Variants in PRAG1 observed in about 807,000 individuals in gnomAD.
The protein encoded by PRAG1 is PEAK1 related, kinase-activating pseudokinase 1.
PRAG1 carries 110 observed loss-of-function variants against 95.6 expected under a neutral mutation model. That is an observed-to-expected ratio of 1.15 (90% CI 0.99 to 1.35). The LOEUF is 1.35. Among genes scored for constraint, PRAG1 ranks in the 40% most tolerant of loss-of-function variants. The pLI is 0.00. For missense variants in PRAG1, 2,554 were observed against 1,864.7 expected (o/e 1.37, Z -6.81); for synonymous variants, 1,052 against 819.4 (o/e 1.28, Z -4.85).
intron 3 of PRAG1, among the ~76,000 whole-genome samples, chr8:8,375,240 G>T (rs1800346840): frequency 7.0e-6 from 1 of 142,974 alleles, no homozygotes; most frequent in African/African-American, 2.7e-5. Flanking sequence ...GTCTCACTCT[G>T]TCGCCCAGGC....
rs765679055 is a variant in PRAG1 at position 8,376,704 on chromosome 8, G to T, written c.1705C>A (p.Pro569Thr). ...SPSAGGPPVSPLADLSDGSSG... is the reference protein window; with the variant it reads ...SPSAGGPPVSTLADLSDGSSG... ...CTCCCATCACTAAGGTCAGCCAGCG[G>T]TGACACTGGGGGCCCTCCAGCAGAC... is the stretch of plus-strand genomic sequence containing the variant. Residue 569 changes from proline to threonine, a missense_variant, in exon 3 of 6, where the codon CCG becomes ACG. By Grantham distance (38) the Pro-to-Thr change is conservative (BLOSUM62 -1). Transcript: ENST00000615670. 1 of 1,610,966 alleles carries T rather than the reference G, an allele frequency of 6.2e-7. No individual in the cohort carries two copies. Among genetic ancestry groups the T allele is most frequent in the Admixed American group, 1.7e-5 (1 of 60,014 alleles).
At chr8:8,338,397 G>A (rs1362088311) in intron 4 of PRAG1, among the ~76,000 whole-genome samples, 4 of 152,216 alleles carry the variant, frequency 2.6e-5, no homozygotes, top group Non-Finnish European at 5.9e-5. Context: ...CCAAGAGAGT[G>A]GATCAGAGCT....
At chr8:8,326,968 C>T (rs922071912) in intron 5 of PRAG1, among the ~76,000 whole-genome samples, 20 of 152,210 alleles carry the variant, frequency 1.3e-4, no homozygotes, top group African/African-American at 4.6e-4. Context: ...ATTCCTAGGT[C>T]GAATGCTCCT....
rs765197917 is a variant in PRAG1, at chr8:8,318,905, G to C, written c.3470C>G (p.Thr1157Ser). Residue 1157 changes from threonine (T) to serine (S), a missense_variant, in exon 6 of 6, where the codon ACC becomes AGC. Transcript: ENST00000615670. This position sits in a 1 kb window ranked among gnomAD's most constrained non-coding sequence, Gnocchi z 4.2. ...CLENLLLVHC[T>S]LQAGPGPAPA... The stretch of plus-strand genomic sequence containing the variant: ...GGCGGGCCCGGGGCCGGCCTGGAGG[G>C]TGCAGTGCACCAGCAGCAGGTTCTC... 6.2e-6 allele frequency: 10 copies of C among 1,602,258 alleles called. No individual in the cohort carries two copies. The South Asian group carries it at 1.0e-4, about 16-fold the overall frequency.
At chr8:8,366,775 T>C (rs1800021870) in intron 3 of PRAG1, among the ~76,000 whole-genome samples, 1 of 152,076 alleles carries the variant, frequency 6.6e-6, no homozygotes, top group Admixed American at 6.5e-5. Context: ...ACCTCCTGGC[T>C]CAAGCAATCC....
rs745470561 is a variant in PRAG1 at position 8,377,858 on chromosome 8, T to G, written c.551A>C (p.Glu184Ala). 6.2e-7 allele frequency: 1 copy of G among 1,614,092 alleles called. No individual in the cohort carries two copies. Among genetic ancestry groups the G allele is most frequent in the Non-Finnish European group, 8.5e-7 (1 of 1,180,010 alleles). The part of the protein sequence containing the change: ...NIAFHPVSFP[E>A]EKAVHKEKPS... ...TTTTTCTTTGTGCACAGCCTTCTCC[T>G]CCGGGAAGCTCACCGGGTGGAAGGC... Residue 184 changes from glutamate (E) to alanine (A), a missense_variant, in exon 3 of 6, where the codon GAG (glutamate) becomes GCG (alanine). Transcript: ENST00000615670.
chr8:8,332,351 C>T (rs1235400376), intron 4 of PRAG1, among the ~76,000 whole-genome samples: 1 of 151,838 alleles, frequency 6.6e-6, no homozygotes, highest in Non-Finnish European at 1.5e-5. Context: ...TTAGTAGAGA[C>T]GGGGTTTCAC....
chr8:8,323,265 A>G (rs1412233073), intron 5 of PRAG1, among the ~76,000 whole-genome samples: 1 of 151,218 alleles, frequency 6.6e-6, no homozygotes, highest in East Asian at 1.9e-4. Context: ...TTCTCATGAT[A>G]GTGAGTGAGT....
At chr8:8,332,215 G>A (rs1585226993) in intron 4 of PRAG1, among the ~76,000 whole-genome samples, 1 of 150,374 alleles carries the variant, frequency 6.7e-6, no homozygotes, top group African/African-American at 2.5e-5. Flanking sequence ...AGGCTGGAGT[G>A]TAATGGTGGG....
rs1315896998 is a variant in PRAG1 at position 8,339,458 on chromosome 8, G to A, written c.2320+20C>T. The A allele has an allele frequency of 1.1e-5, 17 of 1,612,192 alleles. No individual in the cohort carries two copies. Among genetic ancestry groups the A allele is most frequent in the Middle Eastern group, 1.8e-4 (1 of 5,644 alleles). ...GGTCCAGGAGAATCTAAGCCTCTCC[G>A]TCAATGTCAAGTTTGTTACCTCCAT... On this transcript the variant is annotated intron_variant, in intron 4 of 5. Transcript: ENST00000615670.
chr8:8,324,865 A>AT (rs71537826), intron 5 of PRAG1, among the ~76,000 whole-genome samples: 5,708 of 150,790 alleles, frequency 0.038, 343 homozygotes, highest in African/African-American at 0.13. Context: ...ACAACTAATG[A>AT]TTTTTTTTTT....
intron 4 of PRAG1, among the ~76,000 whole-genome samples, chr8:8,334,303 GGT>G (rs1327339152): frequency 6.6e-6 from 1 of 152,002 alleles, no homozygotes; most frequent in African/African-American, 2.4e-5. Context: ...TGGGCATAGT[GGT>G]GTGTGCCTGT....
chr8:8,373,696 G>A (rs536182243), intron 3 of PRAG1, among the ~76,000 whole-genome samples: 8 of 152,184 alleles, frequency 5.3e-5, no homozygotes, highest in African/African-American at 1.7e-4. Flanking sequence ...CAAGCAGTCT[G>A]CCTGCCTTGG....
chr8:8,369,762 C>G (rs933219697), intron 3 of PRAG1, among the ~76,000 whole-genome samples: 1 of 149,476 alleles, frequency 6.7e-6, no homozygotes, highest in Non-Finnish European at 1.5e-5. Flanking sequence ...GAAACAGACA[C>G]AGTTAAGGGA....
Position 8,318,761 on chromosome 8 carries a change from C to CG in PRAG1, c.3613dup (p.Arg1205ProfsTer50). The CG allele has an allele frequency of 6.3e-7, 1 of 1,579,878 alleles. No individual in the cohort carries two copies. Among genetic ancestry groups the CG allele is most frequent in the African/African-American group, 1.4e-5 (1 of 73,868 alleles). ...GATGAGCCGGGGCAGCTGCTTCTCC[C>CG]GGGGCCCTTCCGGGGAGGCGGGGCC... is the stretch of plus-strand genomic sequence containing the variant. On this transcript the variant is annotated frameshift_variant, in exon 6 of 6. Coordinates refer to ENST00000615670, the MANE Select transcript of PRAG1 (RefSeq NM_001080826.3). LOFTEE classifies it high-confidence loss of function. The surrounding 1 kb of genome is among the most constrained non-coding windows in gnomAD (Gnocchi z 4.2).
In PRAG1 at chr8:8,378,672, C is replaced by A. The variant is rs1800521919; in HGVS notation, c.331-594G>T. 3.9e-5 allele frequency among the ~76,000 whole-genome samples: 6 copies of A among 151,990 alleles called. No individual in the cohort carries two copies. In the South Asian group the frequency reaches 1.0e-3, roughly 26 times the overall value. Reference sequence around the variant, plus strand: ...CCCAGGAGTTCAAGACGAGCCTGGGCAACATGGCCAAATCCCATCTCTACA... The same window carrying A: ...CCCAGGAGTTCAAGACGAGCCTGGGAAACATGGCCAAATCCCATCTCTACA... On this transcript the variant is annotated intron_variant, in intron 2 of 5. Transcript: ENST00000615670.
chr8:8,373,883 A>G (rs902254602), intron 3 of PRAG1, among the ~76,000 whole-genome samples: 2 of 152,186 alleles, frequency 1.3e-5, no homozygotes, highest in South Asian at 2.1e-4. Flanking sequence ...CTGGGCCGAA[A>G]AAACTCTGAT....
At chr8:8,336,783 G>A (rs182430472) in intron 4 of PRAG1, among the ~76,000 whole-genome samples, 3 of 151,894 alleles carry the variant, frequency 2.0e-5, no homozygotes, top group Admixed American at 2.0e-4. Context: ...CACAAAAGTG[G>A]CATTTTGCCA....
chr8:8,346,617 G>A (rs898023980), intron 3 of PRAG1, among the ~76,000 whole-genome samples: 2 of 152,300 alleles, frequency 1.3e-5, no homozygotes, highest in Admixed American at 6.5e-5. Flanking sequence ...TTCCTCATTC[G>A]TAGGAACAAG....
Sources: gnomAD v4.1 joint callset for allele counts (sites outside exome capture counted in the v4.1 genomes callset) on GRCh38, gnomAD v4.1.1 for gene constraint, Gnocchi (gnomAD v3.1) non-coding constraint, MANE v1.5 for transcripts, NCBI Gene and HGNC (gene_info 2026-07-23, HGNC 2026-07-21) for gene names.